The following STPG2 variants were observed in gnomAD, a reference collection of about 807,000 sequenced individuals.
STPG2 encodes sperm tail PG-rich repeat containing 2.
In STPG2, 56 loss-of-function variants were observed where a neutral mutation model predicts 54.2. The ratio of observed to expected loss-of-function variants is 1.03; its 90% CI spans 0.83 to 1.29. STPG2 has a LOEUF of 1.29. Among genes scored for constraint, STPG2 ranks in the 50% most tolerant of loss-of-function variants. The pLI, the probability that STPG2 is intolerant of heterozygous loss-of-function variation, is 0.00. For missense variants in STPG2, 596 were observed against 544.9 expected (o/e 1.09, Z -0.93); for synonymous variants, 200 against 181.8 (o/e 1.10, Z -0.81).
rs1731352666 is a variant in STPG2, at chr4:97,529,019, G to C, written c.462+183680C>G. Among the ~76,000 whole-genome samples, 2 of 152,132 alleles carry C rather than the reference G, an allele frequency of 1.3e-5. 1 individual carries two copies. Among genetic ancestry groups the C allele is most frequent in the Admixed American group, 1.3e-4 (2 of 15,268 alleles). ...CCCTGGCCAGAACTTCCAACACTAT[G>C]TTGAATAAGAGTGGTGAGAGACGGC... On this transcript the variant is annotated intron_variant, in intron 4 of 4. Coordinates refer to the STPG2 transcript ENST00000522676.
intron 9 of STPG2, among the ~76,000 whole-genome samples, chr4:97,733,923 T>G (rs139774548): frequency 1.1e-4 from 16 of 152,326 alleles, no homozygotes; most frequent in African/African-American, 3.8e-4. Flanking sequence ...ATCTTCTAGT[T>G]TTCTATAAAC....
chr4:97,901,798 G>C (rs1034989466), intron 8 of STPG2, among the ~76,000 whole-genome samples: 3 of 151,340 alleles, frequency 2.0e-5, no homozygotes, highest in African/African-American at 7.3e-5. Context: ...ATTTTTCACA[G>C]AAATAAAAAA....
intron 9 of STPG2, among the ~76,000 whole-genome samples, chr4:97,824,268 C>A (rs1372809496): frequency 1.3e-5 from 2 of 152,124 alleles, no homozygotes; most frequent in Admixed American, 1.3e-4. Context: ...CCATTGCAGG[C>A]AATGCTTTTC....
At chr4:97,491,853 C>T (rs1730510305) in intron 4 of STPG2, among the ~76,000 whole-genome samples, 1 of 151,408 alleles carries the variant, frequency 6.6e-6, no homozygotes, top group South Asian at 2.1e-4. Context: ...ATCAGATTTG[C>T]AAAGAACTCT....
chr4:97,623,568 G>A (rs1471217137), intron 10 of STPG2, among the ~76,000 whole-genome samples: 1 of 152,096 alleles, frequency 6.6e-6, no homozygotes, highest in Non-Finnish European at 1.5e-5. Flanking sequence ...AGTCAGAGTG[G>A]CTATTATTAA....
intron 9 of STPG2, among the ~76,000 whole-genome samples, chr4:97,735,426 T>A (rs1724950256): frequency 6.6e-6 from 1 of 151,148 alleles, no homozygotes; most frequent in Non-Finnish European, 1.5e-5. Context: ...GGAAATAGGA[T>A]CAAAAACTAC....
At chr4:97,766,196 A>G (rs1031957544) in intron 9 of STPG2, among the ~76,000 whole-genome samples, 1 of 152,132 alleles carries the variant, frequency 6.6e-6, no homozygotes, top group Admixed American at 6.6e-5. Context: ...CCCATGTCCT[A>G]TAGACCAACT....
intron 9 of STPG2, among the ~76,000 whole-genome samples, chr4:97,780,837 T>C (rs1262692808): frequency 1.3e-5 from 2 of 151,558 alleles, no homozygotes; most frequent in African/African-American, 4.9e-5. Flanking sequence ...GACTACTGGG[T>C]ACATAAGGAA....
chr4:98,102,086 T>C lies in STPG2; in HGVS notation c.612+3867A>G, dbSNP rs543776677. On this transcript the variant is annotated intron_variant, in intron 5 of 10. Coordinates refer to ENST00000295268, the MANE Select transcript of STPG2 (RefSeq NM_174952.3). ...ATCTTTTTCTTCCACCTGCAACTAT[T>C]TTATTTATCTTATTTGTCACATTCC... 8.5e-5 allele frequency among the ~76,000 whole-genome samples: 13 copies of C among 152,300 alleles called. No homozygotes were observed. The South Asian group carries it at 2.7e-3, about 32-fold the overall frequency.
intron 10 of STPG2, among the ~76,000 whole-genome samples, chr4:97,639,891 G>A (rs148179790): frequency 0.011 from 1,656 of 152,016 alleles, 23 homozygotes; most frequent in Middle Eastern, 0.02. Context: ...AATAATGGAA[G>A]TTAATAACTA....
At chr4:98,112,226 C>T (rs1031261181) in intron 3 of STPG2, among the ~76,000 whole-genome samples, 7 of 152,174 alleles carry the variant, frequency 4.6e-5, no homozygotes, top group Non-Finnish European at 1.0e-4. Flanking sequence ...AAGATTATAA[C>T]ACCATATATT....
chr4:97,787,672 A>G (rs1450913442), intron 9 of STPG2, among the ~76,000 whole-genome samples: 1 of 151,912 alleles, frequency 6.6e-6, no homozygotes, highest in Non-Finnish European at 1.5e-5. Flanking sequence ...TGTCATTTAT[A>G]AAAAATTAGT....
chr4:97,944,116 A>G, intron 7 of STPG2, 109 bp from the exon 8 acceptor site: 1 of 689,448 alleles, frequency 1.5e-6, no homozygotes, highest in Non-Finnish European at 2.5e-6. Flanking sequence ...CTGGCATTAA[A>G]TAAAGACACA....
At chr4:97,548,722 T>C (rs1731899869) in intron 4 of STPG2, among the ~76,000 whole-genome samples, 1 of 152,188 alleles carries the variant, frequency 6.6e-6, no homozygotes, top group African/African-American at 2.4e-5. Flanking sequence ...TTTATGTAGT[T>C]GTTTAGAATT....
intron 6 of STPG2, among the ~76,000 whole-genome samples, chr4:97,973,269 G>C (rs987778896): frequency 1.3e-5 from 2 of 152,106 alleles, no homozygotes; most frequent in African/African-American, 2.4e-5. Flanking sequence ...GTTATGTTTT[G>C]GCAAAAAGAC....
rs138707548 is a variant in STPG2, at chr4:97,540,394, C to T, written c.462+172305G>A. ...ATGTAGAAGAAATGGATAAATTCCT[C>T]GACACATACACCCTCCCAAGACTAA... is the stretch of plus-strand genomic sequence containing the variant. On this transcript the variant is annotated intron_variant, in intron 4 of 4. Coordinates refer to the STPG2 transcript ENST00000522676. 4.5e-3 allele frequency among the ~76,000 whole-genome samples: 680 copies of T among 152,042 alleles called. 7 individuals are homozygous for T. The highest frequency in any genetic ancestry group is 0.016 in the African/African-American group (648 of 41,482).
chr4:98,088,093 T>C (rs1738577496), intron 5 of STPG2, among the ~76,000 whole-genome samples: 1 of 152,192 alleles, frequency 6.6e-6, no homozygotes, highest in Non-Finnish European at 1.5e-5. Flanking sequence ...GGTCAAAGAC[T>C]GGCTTATGCA....
At chr4:97,600,099 T>A (rs1249834596) in intron 10 of STPG2, among the ~76,000 whole-genome samples, 2 of 151,984 alleles carry the variant, frequency 1.3e-5, no homozygotes, top group Non-Finnish European at 2.9e-5. Flanking sequence ...GGGTGGAAGG[T>A]TGGTGGAGCG....
chr4:97,736,915 G>T (rs184407688), intron 9 of STPG2, among the ~76,000 whole-genome samples: 361 of 152,288 alleles, frequency 2.4e-3, no homozygotes, highest in Non-Finnish European at 3.9e-3. Context: ...TGTCAAGTGG[G>T]TCCCTGACCC....
Sources: allele counts gnomAD v4.1 joint callset (sites outside exome capture counted in the v4.1 genomes callset), GRCh38; gene constraint gnomAD v4.1.1; transcripts MANE v1.5; gene names NCBI Gene and HGNC (gene_info 2026-07-23, HGNC 2026-07-21).